Variants in TDP1 observed in about 807,000 individuals in gnomAD.
The protein encoded by TDP1 is tyrosyl-DNA phosphodiesterase 1, also known as tyr-DNA phosphodiesterase 1.
In TDP1, 64 loss-of-function variants were observed where a neutral mutation model predicts 81.5. That is an observed-to-expected ratio of 0.79 (90% CI 0.64 to 0.97). TDP1 has a LOEUF of 0.97. Ranked by LOEUF, TDP1 falls within the 50% of genes least tolerant of loss-of-function variation. The probability of loss-of-function intolerance (pLI) is 0.00; values close to 1 mark genes in which losing one functional copy is unlikely to be tolerated. For missense variants in TDP1, 723 were observed against 743.8 expected (o/e 0.97, Z 0.33); for synonymous variants, 256 against 264.3 (o/e 0.97, Z 0.30).
chr14:90,004,461 C>T (rs1596614633), intron 14 of TDP1, among the ~76,000 whole-genome samples: 1 of 152,274 alleles, frequency 6.6e-6, no homozygotes, highest in Middle Eastern at 3.4e-3. Context: ...ATTTAATCAC[C>T]CAAATTGGGA....
intron 14 of TDP1, among the ~76,000 whole-genome samples, chr14:90,007,501 A>G (rs1000783493): frequency 6.6e-6 from 1 of 152,082 alleles, no homozygotes; most frequent in Non-Finnish European, 1.5e-5. Flanking sequence ...AGGCATGAAA[A>G]TCGCTTGAAC....
intron 8 of TDP1, chr14:89,981,480 G>A (rs763811932): frequency 1.5e-5 from 7 of 454,608 alleles, no homozygotes; most frequent in South Asian, 1.1e-4. Flanking sequence ...GTACATCTCT[G>A]CCTGTGCTAG....
rs1025704718 is a variant in TDP1 at position 89,979,041 on chromosome 14, C to CT, written c.792-1491dup. ...TTATTTGGAGAGAGCCAGTGGTTCA[C>CT]TTTTTTTTGCCATGTGTGAATTGAG... On this transcript the variant is annotated intron_variant, in intron 7 of 16. Coordinates refer to ENST00000335725, the MANE Select transcript of TDP1 (RefSeq NM_018319.4). Among the ~76,000 whole-genome samples, 128 of 152,052 alleles carry CT rather than the reference C, an allele frequency of 8.4e-4. 2 individuals are homozygous for CT. The highest frequency in any genetic ancestry group is 2.9e-3 in the African/African-American group (120 of 41,476).
At chr14:89,976,486 G>A (rs183536014) in intron 7 of TDP1, among the ~76,000 whole-genome samples, 7 of 136,388 alleles carry the variant, frequency 5.1e-5, no homozygotes, top group Non-Finnish European at 9.5e-5. Context: ...CTACCCCCTC[G>A]CTCCTACACA....
intron 2 of TDP1, 102 bp from the exon 3 acceptor site, chr14:89,963,006 G>A (rs1049619818): frequency 8.8e-6 from 14 of 1,585,536 alleles, no homozygotes; most frequent in Non-Finnish European, 1.2e-5. Context: ...TCAGCCTCTG[G>A]AAGGTGTCAG....
chr14:90,027,257 G>C (rs1886771476), intron 15 of TDP1, among the ~76,000 whole-genome samples: 1 of 152,030 alleles, frequency 6.6e-6, no homozygotes, highest in Non-Finnish European at 1.5e-5. Context: ...GTTCCTACTG[G>C]TTGTCACCTT....
chr14:89,979,037 T>C (rs553818062), intron 7 of TDP1, among the ~76,000 whole-genome samples: 32 of 151,142 alleles, frequency 2.1e-4, no homozygotes, highest in African/African-American at 7.4e-4. Context: ...GAGCCAGTGG[T>C]TCACTTTTTT....
intron 8 of TDP1, chr14:89,981,391 C>T (rs1894954817): frequency 6.8e-6 from 3 of 438,798 alleles, no homozygotes; most frequent in African/African-American, 4.1e-5. Context: ...TAAAAGGGAG[C>T]TTTAGGGATT....
At chr14:89,989,552 T>TA (rs1895953279) in intron 11 of TDP1, 165 bp from the exon 12 acceptor site, 1 of 648,922 alleles carries the variant, frequency 1.5e-6, no homozygotes, top group South Asian at 7.0e-5. Flanking sequence ...TGTTGTTTAA[T>TA]TACTAGTTCA....
At chr14:90,003,451 T>G (rs1897356653) in intron 14 of TDP1, among the ~76,000 whole-genome samples, 1 of 152,244 alleles carries the variant, frequency 6.6e-6, no homozygotes, top group African/African-American at 2.4e-5. Context: ...GTTTTGATCC[T>G]ACCGTAAAAT....
chr14:89,984,778 G>A (rs1303577822), intron 9 of TDP1, 95 bp downstream of exon 9: 23 of 1,599,762 alleles, frequency 1.4e-5, no homozygotes, highest in Non-Finnish European at 1.8e-5. Context: ...AAAGAGGTGG[G>A]GTGAAATCTA....
In TDP1 at chr14:89,974,115, A is replaced by G. The variant is rs937807030; in HGVS notation, c.757-1666A>G. 9.9e-5 allele frequency among the ~76,000 whole-genome samples: 15 copies of G among 152,138 alleles called. No individual in the cohort carries two copies. The East Asian group carries it at 2.9e-3, about 29-fold the overall frequency. On this transcript the variant is annotated intron_variant, in intron 6 of 16. Transcript: ENST00000335725. ...GGGGGACAGAAGTGTTTAGTCTACA[A>G]CACTTATTCTGGGCTTGTCACTGGC...
Position 89,963,396 on chromosome 14 carries a change from T to G in TDP1, c.282T>G (p.Asp94Glu). The change falls in exon 3 of 17, where the codon GAT becomes GAG. Residue 94 changes from aspartate to glutamate, a missense_variant. Transcript: ENST00000335725. ...DLGWCLSSSD[D>E]ELQPEMPQKQ... ...GCTGGTGTCTGTCCAGCAGTGATGA[T>G]GAGCTGCAACCAGAAATGCCGCAGA... The G allele has an allele frequency of 1.2e-6, 2 of 1,614,180 alleles. No individual in the cohort carries two copies. The highest frequency in any genetic ancestry group is 4.5e-5 in the East Asian group (2 of 44,880).
chr14:90,015,107 C>T (rs1198233057), intron 14 of TDP1, among the ~76,000 whole-genome samples: 1 of 152,318 alleles, frequency 6.6e-6, no homozygotes, highest in East Asian at 1.9e-4. Flanking sequence ...TTTTTGGTCT[C>T]ATAGGCTGAC....
At position 90,026,642 on chromosome 14, in the gene TDP1, G is replaced by A. The variant is rs554924891; in HGVS notation, c.1645-6464G>A. 2.0e-4 allele frequency among the ~76,000 whole-genome samples: 30 copies of A among 152,096 alleles called. No homozygotes were observed. In the South Asian group the frequency reaches 5.6e-3, roughly 28 times the overall value. ...GCCCCACGACAGGCCCCGGTGTGTGGTGTTCCCCACCCTGTGTCCATGTGT... is the reference window on the plus strand; with the variant it reads ...GCCCCACGACAGGCCCCGGTGTGTGATGTTCCCCACCCTGTGTCCATGTGT... On this transcript the variant is annotated intron_variant, in intron 15 of 16. Coordinates refer to ENST00000335725, the MANE Select transcript of TDP1 (RefSeq NM_018319.4).
chr14:90,041,660 C>T (rs891677770), intron 16 of TDP1, among the ~76,000 whole-genome samples: 5 of 152,204 alleles, frequency 3.3e-5, no homozygotes, highest in Admixed American at 6.5e-5. Context: ...ATGCCAGACC[C>T]GCCAAGAAGC....
rs1896401624 is a variant in TDP1, at chr14:89,993,505, G to C, written c.1541+22G>C. On this transcript the variant is annotated intron_variant, in intron 14 of 16. Transcript: ENST00000335725. ...CAAGGTAAATAGTCCTTACATTCCT[G>C]ATGGGAGAAATCTTTTTAATGTGTT... 9 of 1,610,658 alleles carry C rather than the reference G, an allele frequency of 5.6e-6. No individual in the cohort carries two copies. The South Asian group carries it at 9.9e-5, about 18-fold the overall frequency.
chr14:89,967,120 T>C (rs1893031868), intron 4 of TDP1: 3 of 985,286 alleles, frequency 3.0e-6, no homozygotes, highest in Non-Finnish European at 3.6e-6. Context: ...TGCCAAAACA[T>C]GCAGAGATAA....
rs1245018310 is a variant in TDP1 at position 89,960,505 on chromosome 14, A to G, written c.-7-2603A>G. On this transcript the variant is annotated intron_variant, in intron 2 of 16. Transcript: ENST00000335725. ...TATACCTATGCTATGAGTTTTAACA[A>G]CCCCTTGAAGTGGGCTGGACAGAGT... Among the ~76,000 whole-genome samples, 6 of 152,296 alleles carry G rather than the reference A, an allele frequency of 3.9e-5. No individual in the cohort carries two copies. The South Asian group carries it at 1.2e-3, about 32-fold the overall frequency.
Sources: allele counts gnomAD v4.1 joint callset (sites outside exome capture counted in the v4.1 genomes callset), GRCh38; gene constraint gnomAD v4.1.1; transcripts MANE v1.5; gene names NCBI Gene and HGNC (gene_info 2026-07-23, HGNC 2026-07-21).